ZBTB7C: variants seen among roughly 807,000 people sequenced by gnomAD.
The protein encoded by ZBTB7C is zinc finger and BTB domain containing 7C.
In ZBTB7C, 8 loss-of-function variants were observed where a neutral mutation model predicts 25.7. The observed-to-expected ratio is 0.31, with a 90% confidence interval of 0.18 to 0.56. The LOEUF (loss-of-function observed/expected upper bound fraction) is 0.56. Among genes scored for constraint, ZBTB7C ranks in the 20% least tolerant of loss-of-function variants. The pLI is 0.91. For missense variants in ZBTB7C, 824 were observed against 855.2 expected (o/e 0.96, Z 0.46); for synonymous variants, 394 against 369.0 (o/e 1.07, Z -0.78).
intron 1 of ZBTB7C, among the ~76,000 whole-genome samples, chr18:48,379,895 A>C (rs1009702944): frequency 6.6e-6 from 1 of 152,200 alleles, no homozygotes. Context: ...AATTTTGGTA[A>C]GGAAATTGTG....
intron 2 of ZBTB7C, among the ~76,000 whole-genome samples, chr18:48,317,372 C>T (rs745720402): frequency 1.6e-4 from 24 of 151,898 alleles, no homozygotes; most frequent in African/African-American, 2.9e-4. Context: ...TTTAGTGGAG[C>T]GGGATCTTCA....
chr18:48,093,627 C>G (rs12955460), intron 3 of ZBTB7C, among the ~76,000 whole-genome samples: 1 of 151,146 alleles, frequency 6.6e-6, no homozygotes, highest in Non-Finnish European at 1.5e-5. Flanking sequence ...ACAAAAAAAA[C>G]ACACACACAG....
intron 2 of ZBTB7C, among the ~76,000 whole-genome samples, chr18:48,273,793 A>C (rs2044559739): frequency 6.6e-6 from 1 of 152,200 alleles, no homozygotes; most frequent in African/African-American, 2.4e-5. Context: ...CCACAAAAAT[A>C]TTACCCACAA....
At chr18:48,042,133 G>A (rs1470491828) in intron 3 of ZBTB7C, among the ~76,000 whole-genome samples, 10 of 152,232 alleles carry the variant, frequency 6.6e-5, no homozygotes, top group South Asian at 4.1e-4. Context: ...AGGTAGGGGC[G>A]TCCAAGGAGA....
At chr18:48,276,215 T>C (rs1178849863) in intron 2 of ZBTB7C, among the ~76,000 whole-genome samples, 1 of 151,962 alleles carries the variant, frequency 6.6e-6, no homozygotes. Context: ...CTCATTTTCT[T>C]GTTTTCCAGC....
intron 3 of ZBTB7C, among the ~76,000 whole-genome samples, chr18:48,181,560 G>A (rs2041924048): frequency 6.6e-6 from 1 of 152,196 alleles, no homozygotes. Flanking sequence ...GACAATGACG[G>A]TGAATCAGGA....
At chr18:48,310,834 C>T (rs895636040) in intron 2 of ZBTB7C, among the ~76,000 whole-genome samples, 1 of 152,214 alleles carries the variant, frequency 6.6e-6, no homozygotes, top group African/African-American at 2.4e-5. Flanking sequence ...TGTGGGGTGA[C>T]CTATCAACCC....
At chr18:48,281,280 C>T (rs955159107) in intron 2 of ZBTB7C, among the ~76,000 whole-genome samples, 10 of 152,046 alleles carry the variant, frequency 6.6e-5, no homozygotes, top group African/African-American at 1.9e-4. Flanking sequence ...AAACTGGATC[C>T]CTTCCTTAAA....
chr18:48,359,412 C>G (rs908790864), intron 1 of ZBTB7C, among the ~76,000 whole-genome samples: 7 of 152,284 alleles, frequency 4.6e-5, no homozygotes, highest in Non-Finnish European at 4.4e-5. Flanking sequence ...ACACAGCAAT[C>G]TTATAATACA....
chr18:48,407,309 G>T (rs1404998662), intron 1 of ZBTB7C, among the ~76,000 whole-genome samples: 10 of 152,256 alleles, frequency 6.6e-5, no homozygotes, highest in Non-Finnish European at 1.5e-4. Context: ...GGCTAATCAA[G>T]CTGCATTGTG....
chr18:48,099,204 C>T (rs2038746615), intron 3 of ZBTB7C, among the ~76,000 whole-genome samples: 1 of 152,154 alleles, frequency 6.6e-6, no homozygotes, highest in Admixed American at 6.5e-5. Context: ...CTATAAAGTG[C>T]TTTATTAATT....
chr18:48,265,882 A>C (rs2044299132), intron 2 of ZBTB7C, among the ~76,000 whole-genome samples: 1 of 152,192 alleles, frequency 6.6e-6, no homozygotes, highest in Non-Finnish European at 1.5e-5. Flanking sequence ...CTAAAACGAC[A>C]TCATTGAGAC....
intron 1 of ZBTB7C, among the ~76,000 whole-genome samples, chr18:48,360,487 C>T (rs874334): frequency 0.024 from 3,683 of 152,250 alleles, 155 homozygotes; most frequent in African/African-American, 0.083. Flanking sequence ...ATGAGAGGAG[C>T]GTGGGAAGAG....
intron 3 of ZBTB7C, among the ~76,000 whole-genome samples, chr18:48,175,625 G>T (rs2041648656): frequency 6.6e-6 from 1 of 152,184 alleles, no homozygotes; most frequent in Non-Finnish European, 1.5e-5. Context: ...AGCAAACCCA[G>T]ATCTGGATGT....
chr18:48,201,340 C>T (rs1203800883), intron 2 of ZBTB7C, among the ~76,000 whole-genome samples: 4 of 152,166 alleles, frequency 2.6e-5, no homozygotes, highest in African/African-American at 7.2e-5. Context: ...AAAGGTATAG[C>T]CCAGGATGTA....
intron 3 of ZBTB7C, among the ~76,000 whole-genome samples, chr18:48,179,227 G>GTTCTTAGCTAAGT (rs2041796797): frequency 6.6e-6 from 1 of 152,240 alleles, no homozygotes; most frequent in Non-Finnish European, 1.5e-5. Flanking sequence ...AAACAGAGAA[G>GTTCTTAGCTAAGT]TTCTTAGCTC....
intron 2 of ZBTB7C, among the ~76,000 whole-genome samples, chr18:48,309,879 G>C (rs977340544): frequency 1.3e-5 from 2 of 152,152 alleles, no homozygotes; most frequent in African/African-American, 4.8e-5. Context: ...AGTTCTATTT[G>C]CCGGGTTCTG....
chr18:48,099,909 C>T (rs1483415060), intron 3 of ZBTB7C, among the ~76,000 whole-genome samples: 2 of 152,234 alleles, frequency 1.3e-5, no homozygotes, highest in African/African-American at 2.4e-5. Flanking sequence ...TTTCTGAACA[C>T]AGTTCCCTTT....
chr18:48,306,840 A>T (rs917931933), intron 2 of ZBTB7C, among the ~76,000 whole-genome samples: 3 of 152,290 alleles, frequency 2.0e-5, no homozygotes, highest in Non-Finnish European at 2.9e-5. Flanking sequence ...AAAACCCAAC[A>T]AGAATTATCC....
Sources: allele counts gnomAD v4.1 joint callset (sites outside exome capture counted in the v4.1 genomes callset), GRCh38; gene constraint gnomAD v4.1.1; transcripts MANE v1.5; gene names NCBI Gene and HGNC (gene_info 2026-07-23, HGNC 2026-07-21).